Variants in JAG1 observed in about 807,000 individuals in gnomAD.
The protein encoded by JAG1 is jagged canonical Notch ligand 1, also known as protein jagged-1.
In JAG1, 23 loss-of-function variants were observed where a neutral mutation model predicts 148.7. The observed-to-expected ratio is 0.15, with a 90% CI of 0.11 to 0.22. The LOEUF (loss-of-function observed/expected upper bound fraction) is 0.22. JAG1 is among the 10% of genes least tolerant of loss of function. The probability of loss-of-function intolerance (pLI) is 1.00; values close to 1 mark genes in which losing one functional copy is unlikely to be tolerated. For synonymous variants in JAG1, 572 were observed against 598.3 expected, an observed-to-expected ratio of 0.96 and a Z score of 0.64; for missense variants, 1,054 against 1,611.2, an observed-to-expected ratio of 0.65 and a Z score of 5.92.
At position 10,644,971 on chromosome 20, in the gene JAG1, T is replaced by C; in HGVS notation, c.2236A>G (p.Ser746Gly). ...EGTTCNIARNSSCLPNPCHNG... is the reference protein window; with the variant it reads ...EGTTCNIARNGSCLPNPCHNG... ...TGGCAGGGGTTGGGCAGGCAGCTAC[T>C]GTTTCGGGCTATAAAAGAAGAGCAG... The change falls in exon 18 of 26, where the codon AGT (serine) becomes GGT (glycine). Residue 746 changes from serine to glycine, a missense_variant. Around this residue, in one of 6 missense-constraint regions of JAG1, gnomAD observed 342 missense variants for 514.6 expected, o/e 0.66. Transcript: ENST00000254958. The C allele has an allele frequency of 6.2e-7, 1 of 1,613,748 alleles. No homozygotes were observed.
At chr20:10,669,485 A>T (rs2067479832) in intron 2 of JAG1, among the ~76,000 whole-genome samples, 1 of 142,562 alleles carries the variant, frequency 7.0e-6, no homozygotes, top group South Asian at 2.4e-4. Flanking sequence ...TCAGGCCTGA[A>T]GCATGAAGGG....
In JAG1 at chr20:10,649,524, A is replaced by G. The variant is rs1465136716; in HGVS notation, c.1346T>C (p.Ile449Thr). 6.3e-7 allele frequency: 1 copy of G among 1,583,446 alleles called. No individual in the cohort carries two copies. The highest frequency in any genetic ancestry group is 1.1e-5 in the South Asian group (1 of 90,454). The change falls in exon 10 of 26, where the codon ATA becomes ACA. Residue 449 changes from isoleucine (I) to threonine (T), a missense_variant and splice_region_variant. Ile to Thr is a moderately conservative substitution (Grantham distance 89). This residue lies in a region of JAG1 where 245 missense variants were observed against 373.1 expected (regional missense o/e 0.66). Transcript: ENST00000254958. The part of the protein sequence containing the change: ...LPGWMGQNCD[I>T]NINDCLGQCQ... Reference sequence around the variant, plus strand: ...AAAATGGAAACAAAGTCACTCACTTATGTCACAATTCTGACCCATCCAGCC... The same window carrying G: ...AAAATGGAAACAAAGTCACTCACTTGTGTCACAATTCTGACCCATCCAGCC...
chr20:10,657,556 C>A (rs2067387001), intron 4 of JAG1, among the ~76,000 whole-genome samples: 1 of 152,162 alleles, frequency 6.6e-6, no homozygotes, highest in South Asian at 2.1e-4. Flanking sequence ...TGACCCACCC[C>A]TCTCTCATGG....
chr20:10,660,760 C>T (rs1367273950), intron 3 of JAG1, among the ~76,000 whole-genome samples: 2 of 152,198 alleles, frequency 1.3e-5, no homozygotes, highest in African/African-American at 4.8e-5. Context: ...ATCACGCTTT[C>T]CTTCAGCTTG....
chr20:10,665,933 G>T (rs758288339), intron 2 of JAG1, among the ~76,000 whole-genome samples: 31 of 152,128 alleles, frequency 2.0e-4, no homozygotes, highest in Non-Finnish European at 7.3e-5. Flanking sequence ...CCAGAACTGG[G>T]AAAACCTCAG....
rs778949148 is a variant in JAG1, at chr20:10,650,224, TAC to T, written c.1234+21_1234+22del. 1.4e-5 allele frequency: 21 copies of T among 1,484,418 alleles called. No individual in the cohort carries two copies. The African/African-American group carries it at 2.6e-4, about 19-fold the overall frequency. 92.0% of individuals were successfully genotyped at this position (1,484,418 alleles called of 1,614,324 possible). A position where few individuals can be genotyped will look rare whatever the true frequency, so the allele number is the denominator to read the frequency against. ...TCAAAGCCAACCTTGGTATAAAAAT[TAC>T]AGTCACAGGGATGTTCTTACCTAAC... On this transcript the variant is annotated intron_variant, in intron 9 of 25. Coordinates refer to ENST00000254958, the MANE Select transcript of JAG1 (RefSeq NM_000214.3).
At position 10,639,477 on chromosome 20, in the gene JAG1, G is replaced by A. The variant is rs554327524; in HGVS notation, c.*21C>T. The A allele has an allele frequency of 1.2e-5, 20 of 1,601,574 alleles. No individual in the cohort carries two copies. The East Asian group carries it at 1.3e-4, about 11-fold the overall frequency. On this transcript the variant is annotated 3_prime_UTR_variant, in exon 26 of 26. Coordinates refer to ENST00000254958, the MANE Select transcript of JAG1 (RefSeq NM_000214.3). The stretch of plus-strand genomic sequence containing the variant: ...TACAAGCCCTCAGACTCTACCTAGC[G>A]GCGGCAGTGCCCGCGGTCTGCTATA...
Position 10,652,142 on chromosome 20 carries a change from T to C in JAG1, c.995A>G (p.Asn332Ser), listed in dbSNP as rs1218728230. The C allele has an allele frequency of 6.2e-7, 1 of 1,614,070 alleles. No homozygotes were observed. Among genetic ancestry groups the C allele is most frequent in the South Asian group, 1.1e-5 (1 of 91,082 alleles). Residue 332 changes from asparagine (N) to serine (S), a missense_variant, in exon 7 of 26, where the codon AAC (asparagine) becomes AGC (serine). Transcript: ENST00000254958. Reference sequence around the variant, plus strand: ...CTTGGACCACTTACCAATTTCACAGTTGGGTCCTGAATACCCCTCAGGGCA... The same window carrying C: ...CTTGGACCACTTACCAATTTCACAGCTGGGTCCTGAATACCCCTCAGGGCA... ...CSCPEGYSGP[N>S]CEIAEHACLS...
At chr20:10,671,143 C>T (rs1177616245) in intron 2 of JAG1, among the ~76,000 whole-genome samples, 1 of 152,162 alleles carries the variant, frequency 6.6e-6, no homozygotes, top group Non-Finnish European at 1.5e-5. Flanking sequence ...ACCTGCAGGC[C>T]CCTTCCCCCT....
chr20:10,656,944 C>A (rs957568738), intron 4 of JAG1, among the ~76,000 whole-genome samples: 5 of 151,266 alleles, frequency 3.3e-5, no homozygotes, highest in African/African-American at 1.2e-4. Flanking sequence ...ACTAACAGAG[C>A]CAGCCAGGCT....
Position 10,672,942 on chromosome 20 carries a change from A to C in JAG1, c.146T>G (p.Leu49Arg). The change falls in exon 2 of 26, where the codon CTG becomes CGG. Residue 49 changes from leucine (L) to arginine (R), a missense_variant. Leu to Arg is a moderately radical substitution (Grantham distance 102, BLOSUM62 -2). Coordinates refer to ENST00000254958, the MANE Select transcript of JAG1 (RefSeq NM_000214.3). ...GCCGCCGCAGCAGTTCCCGTTCTGC[A>C]GCTCCCCGTTCACGTTCTGCATGGA... ...ILSMQNVNGE[L>R]QNGNCCGGAR... 6.2e-7 allele frequency: 1 copy of C among 1,613,056 alleles called. No individual in the cohort carries two copies. Among genetic ancestry groups the C allele is most frequent in the Non-Finnish European group, 8.5e-7 (1 of 1,179,992 alleles).
Position 10,670,225 on chromosome 20 carries a change from CA to C in JAG1, c.387+2475del, listed in dbSNP as rs2067486595. On this transcript the variant is annotated intron_variant, in intron 2 of 25. Transcript: ENST00000254958. The stretch of plus-strand genomic sequence containing the variant: ...CTTGGATAGGGGTCATAATTCCAAA[CA>C]AAAAGCATGAACTACATGACCTTCT... 5.9e-5 allele frequency among the ~76,000 whole-genome samples: 9 copies of C among 152,260 alleles called. No homozygotes were observed. In the South Asian group the frequency reaches 1.9e-3, roughly 32 times the overall value.
Position 10,658,485 on chromosome 20 carries a change from C to T in JAG1, c.677G>A (p.Gly226Asp). 1 of 1,614,160 alleles carries T rather than the reference C, an allele frequency of 6.2e-7. No homozygotes were observed. Among genetic ancestry groups the T allele is most frequent in the Admixed American group, 1.7e-5 (1 of 60,034 alleles). Residue 226 changes from glycine (G) to aspartate (D), a missense_variant, in exon 4 of 26, where the codon GGC becomes GAC. Gly to Asp is a moderately conservative substitution (Grantham distance 94). Transcript: ENST00000254958. Reference protein sequence around the residue: ...GNKTCMEGWMGPECNRAICRQ... With the variant: ...GNKTCMEGWMDPECNRAICRQ... ...ACACATACCTCTGTTACATTCGGGG[C>T]CCATCCAGCCTTCCATGCAAGTTTT...
intron 3 of JAG1, among the ~76,000 whole-genome samples, chr20:10,659,735 CT>C (rs112946915): frequency 0.2 from 30,694 of 151,402 alleles, 4,070 homozygotes; most frequent in South Asian, 0.38. Flanking sequence ...GGGAGGGTTT[CT>C]TTTTTCTTTT....
rs1424294839 is a variant in JAG1, at chr20:10,639,448, G to C, written c.*50C>G. On this transcript the variant is annotated 3_prime_UTR_variant, in exon 26 of 26. Transcript: ENST00000254958. ...CTCGAGTATGACACGACAGTTTAAA[G>C]AACTACAAGCCCTCAGACTCTACCT... 6.7e-7 allele frequency: 1 copy of C among 1,490,714 alleles called. No individual in the cohort carries two copies. The highest frequency in any genetic ancestry group is 9.4e-7 in the Non-Finnish European group (1 of 1,067,488). 92.3% of individuals were successfully genotyped at this position (1,490,714 alleles called of 1,614,324 possible).
chr20:10,641,932 A>C (rs1228311199), intron 21 of JAG1, 40 bp from the exon 22 acceptor site: 2 of 1,351,718 alleles, frequency 1.5e-6, no homozygotes, highest in Non-Finnish European at 2.1e-6. Context: ...TTTTTCTGTG[A>C]ACCGGATCGG....
rs566576965 is a variant in JAG1 at position 10,644,847 on chromosome 20, G to A, written c.2344+16C>T. ...TCCGACAGCCCTGGGAGAGTTCAAG[G>A]GGGGAGGACACTCACTCTGAGCACA... On this transcript the variant is annotated intron_variant, in intron 18 of 25. Coordinates refer to ENST00000254958, the MANE Select transcript of JAG1 (RefSeq NM_000214.3). The A allele has an allele frequency of 5.7e-6, 9 of 1,574,504 alleles. No individual in the cohort carries two copies. Among genetic ancestry groups the A allele is most frequent in the African/African-American group, 5.4e-5 (4 of 74,118 alleles).
intron 7 of JAG1, 28 bp from the exon 8 acceptor site, chr20:10,651,722 A>C: frequency 7.0e-7 from 1 of 1,429,998 alleles, no homozygotes; most frequent in Non-Finnish European, 9.8e-7. Context: ...GCAGTCAGAG[A>C]GGGATGCCTG....
chr20:10,670,991 A>G lies in JAG1; in HGVS notation c.387+1710T>C, dbSNP rs530504427. Among the ~76,000 whole-genome samples, 43 of 152,324 alleles carry G rather than the reference A, an allele frequency of 2.8e-4. 1 individual carries two copies. Among genetic ancestry groups the G allele is most frequent in the Admixed American group, 2.8e-3 (43 of 15,312 alleles). On this transcript the variant is annotated intron_variant, in intron 2 of 25. Coordinates refer to ENST00000254958, the MANE Select transcript of JAG1 (RefSeq NM_000214.3). ...CGAGGGAGCAAGCCTCCTTGTTTTC[A>G]TGTTAGCCATCCCTCTGACCCTACT...
Sources: allele counts gnomAD v4.1 joint callset (sites outside exome capture counted in the v4.1 genomes callset), GRCh38; gene constraint gnomAD v4.1.1; regional missense constraint gnomAD v4.1.1; transcripts MANE v1.5; gene names NCBI Gene and HGNC (gene_info 2026-07-23, HGNC 2026-07-21).